The following MAML2 variants were observed in gnomAD, a reference collection of about 807,000 sequenced individuals.
MAML2 encodes mastermind like transcriptional coactivator 2.
Under a neutral mutation model 96.1 loss-of-function variants are expected in MAML2, and 22 were observed. The ratio of observed to expected loss-of-function variants is 0.23; its 90% CI spans 0.16 to 0.33. The LOEUF is 0.33. Among genes scored for constraint, MAML2 ranks in the 10% least tolerant of loss-of-function variants. The pLI is 1.00. For missense variants in MAML2, 1,367 were observed against 1,392.4 expected (o/e 0.98, Z 0.29); for synonymous variants, 561 against 521.3 (o/e 1.08, Z -1.04).
At chr11:96,038,732 A>G (rs1858758111) in intron 2 of MAML2, among the ~76,000 whole-genome samples, 1 of 152,246 alleles carries the variant, frequency 6.6e-6, no homozygotes, top group Non-Finnish European at 1.5e-5. Flanking sequence ...TAGCACTTCC[A>G]TCACTCTCTA....
At chr11:96,058,290 C>T (rs948517557) in intron 2 of MAML2, among the ~76,000 whole-genome samples, 1 of 85,036 alleles carries the variant, frequency 1.2e-5, no homozygotes, top group South Asian at 3.6e-4. Context: ...CAAGTCCAAG[C>T]AGTTTTTGTT....
intron 1 of MAML2, among the ~76,000 whole-genome samples, chr11:96,149,841 C>G (rs1178052855): frequency 6.6e-6 from 1 of 152,146 alleles, no homozygotes; most frequent in Admixed American, 6.5e-5. Context: ...CCTTCTCCTT[C>G]TCTCTTCTAA....
chr11:96,221,005 T>G (rs1431067057), intron 1 of MAML2, among the ~76,000 whole-genome samples: 1 of 152,234 alleles, frequency 6.6e-6, no homozygotes. Context: ...GGGCATTTGT[T>G]GAACCAACTA....
chr11:96,193,398 A>G (rs1187367755), intron 1 of MAML2, among the ~76,000 whole-genome samples: 1 of 152,178 alleles, frequency 6.6e-6, no homozygotes, highest in Non-Finnish European at 1.5e-5. Context: ...GTGTCTGGGG[A>G]ATAGAAATTG....
intron 1 of MAML2, among the ~76,000 whole-genome samples, chr11:96,340,616 G>C (rs1863979479): frequency 1.3e-5 from 2 of 152,190 alleles, no homozygotes; most frequent in Non-Finnish European, 2.9e-5. Flanking sequence ...CTGAAGACAA[G>C]GTATTTCCTA....
At chr11:96,096,649 C>G (rs1488898231) in intron 1 of MAML2, among the ~76,000 whole-genome samples, 1 of 152,162 alleles carries the variant, frequency 6.6e-6, no homozygotes, top group African/African-American at 2.4e-5. Context: ...CCAGGGATCT[C>G]GTCCCGATTC....
At chr11:96,002,325 T>C (rs616344) in intron 2 of MAML2, among the ~76,000 whole-genome samples, 35,967 of 152,070 alleles carry the variant, frequency 0.24, 4,576 homozygotes, top group East Asian at 0.39. Flanking sequence ...AGGCACATGG[T>C]GTGAAAATGT....
At chr11:96,165,373 T>A (rs1397376843) in intron 1 of MAML2, among the ~76,000 whole-genome samples, 1 of 152,226 alleles carries the variant, frequency 6.6e-6, no homozygotes, top group Non-Finnish European at 1.5e-5. Context: ...ATATCATTGA[T>A]GGTGTTGGTC....
intron 1 of MAML2, among the ~76,000 whole-genome samples, chr11:96,117,798 A>G (rs2135840574): frequency 6.6e-6 from 1 of 152,316 alleles, no homozygotes; most frequent in Middle Eastern, 3.4e-3. Flanking sequence ...CTTAATCAAG[A>G]CAATCAGAGT....
intron 1 of MAML2, among the ~76,000 whole-genome samples, chr11:96,192,118 G>A (rs1174114114): frequency 1.3e-5 from 2 of 152,216 alleles, no homozygotes; most frequent in East Asian, 3.8e-4. Context: ...GGAAAGTAGA[G>A]GCTTTGAAGT....
Position 96,342,674 on chromosome 11 carries a change from A to G in MAML2, c.-779T>C. ...ACAATGTCAGTAATTGGACTTTTGG[A>G]CCATGCTTTTTTCTTCAGCTAATCC... On this transcript the variant is annotated 5_prime_UTR_variant, in exon 1 of 5. Coordinates refer to ENST00000524717, the MANE Select transcript of MAML2 (RefSeq NM_032427.4). The G allele has an allele frequency of 2.7e-6, 1 of 366,290 alleles. No homozygotes were observed. Among genetic ancestry groups the G allele is most frequent in the Non-Finnish European group, 4.8e-6 (1 of 206,262 alleles). 22.7% of individuals were successfully genotyped at this position (366,290 alleles called of 1,614,324 possible). A position where few individuals can be genotyped will look rare whatever the true frequency, so the allele number is the denominator to read the frequency against.
intron 1 of MAML2, among the ~76,000 whole-genome samples, chr11:96,338,894 C>T (rs1054578031): frequency 6.6e-6 from 1 of 152,272 alleles, no homozygotes; most frequent in African/African-American, 2.4e-5. Context: ...AAAGTGAGAC[C>T]TGCCAATGTA....
intron 2 of MAML2, among the ~76,000 whole-genome samples, chr11:96,042,575 G>A (rs1210024241): frequency 1.3e-5 from 2 of 150,574 alleles, no homozygotes; most frequent in African/African-American, 5.0e-5. Flanking sequence ...AAAGCCTTTA[G>A]CCTGAAAACC....
At chr11:96,131,328 G>A (rs1860545635) in intron 1 of MAML2, among the ~76,000 whole-genome samples, 1 of 151,992 alleles carries the variant, frequency 6.6e-6, no homozygotes, top group Non-Finnish European at 1.5e-5. Context: ...AATAAAAATA[G>A]TTTGAGATTT....
At position 96,202,629 on chromosome 11, in the gene MAML2, AT is replaced by A. The variant is rs962786146; in HGVS notation, c.514-109113del. Among the ~76,000 whole-genome samples the A allele has an allele frequency of 6.7e-3, 966 of 144,344 alleles. 5 individuals are homozygous for A. Among genetic ancestry groups the A allele is most frequent in the African/African-American group, 0.018 (694 of 39,586 alleles). The allele number at this position is 144,344 out of a possible 152,430, so 94.7% of individuals were successfully genotyped here. A position where few individuals can be genotyped will look rare whatever the true frequency, so the allele number is the denominator to read the frequency against. On this transcript the variant is annotated intron_variant, in intron 1 of 4. Transcript: ENST00000524717. ...GTAACTATGCTGTGTTCCAGATGAA[AT>A]TTTTTTTTTTTTTTGAAACGGATTT...
intron 2 of MAML2, among the ~76,000 whole-genome samples, chr11:96,059,241 A>G (rs941784969): frequency 6.6e-6 from 1 of 152,212 alleles, no homozygotes; most frequent in African/African-American, 2.4e-5. Context: ...CTGCAAAACT[A>G]TGACTTAAAT....
intron 2 of MAML2, among the ~76,000 whole-genome samples, chr11:96,027,717 GTTATT>G (rs1353609296): frequency 1.3e-5 from 2 of 151,968 alleles, no homozygotes; most frequent in African/African-American, 4.8e-5. Context: ...TCTTTTTCAG[GTTATT>G]TTATTTTATT....
At chr11:96,323,728 T>A (rs1863739898) in intron 1 of MAML2, among the ~76,000 whole-genome samples, 1 of 152,220 alleles carries the variant, frequency 6.6e-6, no homozygotes, top group African/African-American at 2.4e-5. Flanking sequence ...CTGAAGAATC[T>A]ATCTCAGAAA....
At chr11:96,225,437 T>C (rs1862197546) in intron 1 of MAML2, among the ~76,000 whole-genome samples, 3 of 152,214 alleles carry the variant, frequency 2.0e-5, no homozygotes, top group Admixed American at 2.0e-4. Context: ...AGGAGAGACC[T>C]GTACCAGAAC....
Sources: gnomAD v4.1 joint callset for allele counts (sites outside exome capture counted in the v4.1 genomes callset) on GRCh38, gnomAD v4.1.1 for gene constraint, MANE v1.5 for transcripts, NCBI Gene and HGNC (gene_info 2026-07-23, HGNC 2026-07-21) for gene names.